The following BMPER variants were observed in gnomAD, a reference collection of about 807,000 sequenced individuals.
BMPER encodes BMP binding endothelial regulator, also known as BMP-binding endothelial regulator protein.
A neutral mutation model predicts 87.3 loss-of-function variants in BMPER; 45 were observed. That is an observed-to-expected ratio of 0.52 (90% CI 0.41 to 0.66). The LOEUF is 0.66. BMPER is among the 30% of genes least tolerant of loss of function. The pLI, the probability that BMPER is intolerant of heterozygous loss-of-function variation, is 0.00. For synonymous variants in BMPER, 326 were observed against 316.2 expected (o/e 1.03, Z -0.33); for missense variants, 784 against 867.5 (o/e 0.90, Z 1.21).
rs10537332 is a variant in BMPER at position 34,063,379 on chromosome 7, ATGTG to A, written c.1078+1356_1078+1359del. Reference sequence around the variant, plus strand: ...GACAATAGATATGCAGGGTCACTATATGTGTGTGTGTGTGTGTGTGTGTGTGTAT... The same window carrying A: ...GACAATAGATATGCAGGGTCACTATATGTGTGTGTGTGTGTGTGTGTGTAT... On this transcript the variant is annotated intron_variant, in intron 11 of 14. Transcript: ENST00000649409. Among the ~76,000 whole-genome samples, 657 of 149,020 alleles carry A rather than the reference ATGTG, an allele frequency of 4.4e-3. 5 individuals are homozygous for A. The highest frequency in any genetic ancestry group is 0.013 in the African/African-American group (525 of 40,626).
intron 11 of BMPER, among the ~76,000 whole-genome samples, chr7:34,073,564 T>C (rs1788789578): frequency 6.6e-6 from 1 of 152,234 alleles, no homozygotes; most frequent in Non-Finnish European, 1.5e-5. Flanking sequence ...TCTGTATACA[T>C]GGCAGTGTGC....
intron 13 of BMPER, among the ~76,000 whole-genome samples, chr7:34,104,491 A>G (rs1003841374): frequency 6.6e-6 from 1 of 152,146 alleles, no homozygotes; most frequent in East Asian, 1.9e-4. Flanking sequence ...AAACCTTGAG[A>G]CTTGTTGAAC....
chr7:33,949,776 G>GA (rs1279729437), intron 3 of BMPER, among the ~76,000 whole-genome samples: 12 of 151,660 alleles, frequency 7.9e-5, no homozygotes, highest in Non-Finnish European at 1.6e-4. Context: ...TTCAAGACAA[G>GA]AAAAAAACAA....
Position 33,905,579 on chromosome 7 carries a change from G to A in BMPER, c.-35G>A. 1 of 1,607,552 alleles carries A rather than the reference G, an allele frequency of 6.2e-7. No homozygotes were observed. On this transcript the variant is annotated 5_prime_UTR_variant, in exon 1 of 15. Coordinates refer to ENST00000649409, the MANE Select transcript of BMPER (RefSeq NM_001365308.1). ...CAGCTGAGCAGAGGCGGCGGCGCGG[G>A]ACCTGCAGTCGCCAGGGATTCCCTC...
In BMPER at chr7:33,991,010, C is replaced by T. The variant is rs1241564503; in HGVS notation, c.576+16226C>T. Among the ~76,000 whole-genome samples the T allele has an allele frequency of 4.3e-5, 6 of 140,726 alleles. No homozygotes were observed. In the East Asian group the frequency reaches 1.2e-3, roughly 28 times the overall value. 92.3% of individuals were successfully genotyped at this position (140,726 alleles called of 152,430 possible). On this transcript the variant is annotated intron_variant, in intron 6 of 14. Coordinates refer to ENST00000649409, the MANE Select transcript of BMPER (RefSeq NM_001365308.1). The stretch of plus-strand genomic sequence containing the variant: ...AAGCTTTTTGATGTGCTGCTGGATT[C>T]GGTTTGCCAGTATTTTATTGAGGAT...
chr7:33,920,796 A>C (rs1349435293), intron 2 of BMPER, among the ~76,000 whole-genome samples: 1 of 152,116 alleles, frequency 6.6e-6, no homozygotes, highest in South Asian at 2.1e-4. Flanking sequence ...CACTCTTTCC[A>C]CCTGACATGT....
At chr7:34,143,045 C>G (rs1378871551) in intron 13 of BMPER, among the ~76,000 whole-genome samples, 185 bp from the exon 14 acceptor site, 1 of 152,146 alleles carries the variant, frequency 6.6e-6, no homozygotes, top group Non-Finnish European at 1.5e-5. Flanking sequence ...TAATATCACA[C>G]TGTTCAAAGG....
chr7:34,006,815 G>A (rs188283576), intron 6 of BMPER, among the ~76,000 whole-genome samples: 1 of 152,188 alleles, frequency 6.6e-6, no homozygotes, highest in East Asian at 1.9e-4. Flanking sequence ...TTGATCTGTA[G>A]TGCAAATTAG....
intron 7 of BMPER, among the ~76,000 whole-genome samples, chr7:34,050,037 A>G (rs913022248): frequency 2.6e-5 from 4 of 152,224 alleles, no homozygotes; most frequent in East Asian, 3.9e-4. Context: ...GGGTAAACCT[A>G]TTTGGGTTTC....
rs199692880 is a variant in BMPER at position 34,079,063 on chromosome 7, A to G, written c.1285A>G (p.Arg429Gly). 2.5e-6 allele frequency: 4 copies of G among 1,614,126 alleles called. No individual in the cohort carries two copies. The Admixed American group carries it at 6.7e-5, about 27-fold the overall frequency. The stretch of plus-strand genomic sequence containing the variant: ...GGTGGAGCTGGTGCTGGGCGAGAGC[A>G]GGGTCAGCCTGCAGCAGCACCTCAC... ...KSVELVLGES[R>G]VSLQQHLTVR... Residue 429 changes from arginine (R) to glycine (G), a missense_variant, in exon 12 of 15, where the codon AGG becomes GGG. Coordinates refer to ENST00000649409, the MANE Select transcript of BMPER (RefSeq NM_001365308.1).
intron 13 of BMPER, among the ~76,000 whole-genome samples, chr7:34,142,380 A>C (rs938988522): frequency 1.3e-5 from 2 of 152,194 alleles, no homozygotes. Context: ...TGCCTTGTTT[A>C]CCATCCAGTG....
intron 6 of BMPER, 31 bp downstream of exon 6, chr7:33,974,815 T>C: frequency 2.5e-6 from 4 of 1,602,004 alleles, no homozygotes; most frequent in Non-Finnish European, 2.6e-6. Context: ...TCCCAGGGTG[T>C]CCTTTGGGCA....
intron 4 of BMPER, among the ~76,000 whole-genome samples, chr7:33,969,087 C>T (rs1308222937): frequency 6.6e-6 from 1 of 152,166 alleles, no homozygotes; most frequent in Non-Finnish European, 1.5e-5. Context: ...AACCTCAGGC[C>T]TGACATGATA....
At position 34,085,767 on chromosome 7, in the gene BMPER, T is replaced by C; in HGVS notation, c.1420T>C (p.Ser474Pro). Reference sequence around the variant, plus strand: ...TCCTCCTCCTCTAGGTTTGGAAATATCTTGGGATGGAGACAGTTTTGTAGA... The same window carrying C: ...TCCTCCTCCTCTAGGTTTGGAAATACCTTGGGATGGAGACAGTTTTGTAGA... The part of the protein sequence containing the change: ...KVTTKAGLEI[S>P]WDGDSFVEVM... Residue 474 changes from serine to proline, a missense_variant, in exon 13 of 15, where the codon TCT (serine) becomes CCT (proline). Transcript: ENST00000649409. 1 of 1,614,024 alleles carries C rather than the reference T, an allele frequency of 6.2e-7. No homozygotes were observed. Among genetic ancestry groups the C allele is most frequent in the Non-Finnish European group, 8.5e-7 (1 of 1,179,888 alleles).
intron 11 of BMPER, among the ~76,000 whole-genome samples, chr7:34,076,694 T>A (rs1041321743): frequency 6.6e-6 from 1 of 152,138 alleles, no homozygotes; most frequent in Non-Finnish European, 1.5e-5. Flanking sequence ...GGGTATGTGA[T>A]GAGTTTTCTG....
chr7:33,916,749 G>A (rs1784094660), intron 2 of BMPER, among the ~76,000 whole-genome samples: 4 of 152,192 alleles, frequency 2.6e-5, no homozygotes, highest in South Asian at 2.1e-4. Context: ...GAACCTCGTC[G>A]TGGTCATCTC....
At chr7:33,972,944 T>C (rs911783049) in intron 5 of BMPER, among the ~76,000 whole-genome samples, 1 of 151,652 alleles carries the variant, frequency 6.6e-6, no homozygotes, top group Non-Finnish European at 1.5e-5. Flanking sequence ...GGAGGGAGAG[T>C]CAAGAGAAGC....
At chr7:34,109,450 C>A (rs57706970) in intron 13 of BMPER, among the ~76,000 whole-genome samples, 26,060 of 152,184 alleles carry the variant, frequency 0.17, 2,403 homozygotes, top group Non-Finnish European at 0.2. Context: ...AACCAACTAT[C>A]GGGCACCTAT....
chr7:33,912,946 C>A (rs1442030662), intron 2 of BMPER, among the ~76,000 whole-genome samples: 1 of 152,140 alleles, frequency 6.6e-6, no homozygotes, highest in African/African-American at 2.4e-5. Context: ...TTATTTTTAG[C>A]CCTTTCTGTG....
Sources: allele counts gnomAD v4.1 joint callset (sites outside exome capture counted in the v4.1 genomes callset), GRCh38; gene constraint gnomAD v4.1.1; transcripts MANE v1.5; gene names NCBI Gene and HGNC (gene_info 2026-07-23, HGNC 2026-07-21).